TESMIN: variants seen among roughly 807,000 people sequenced by gnomAD.
TESMIN encodes the protein CXC domain containing 2.
Under a neutral mutation model 47.4 loss-of-function variants are expected in TESMIN, and 34 were observed. That is an observed-to-expected ratio of 0.72 (90% CI 0.55 to 0.96). The LOEUF is 0.96. TESMIN is among the 40% of genes least tolerant of loss of function. The probability of loss-of-function intolerance (pLI) is 0.00; values close to 1 mark genes in which losing one functional copy is unlikely to be tolerated. For missense variants in TESMIN, 610 were observed against 637.2 expected (o/e 0.96, Z 0.46); for synonymous variants, 278 against 258.9 (o/e 1.07, Z -0.71).
chr11:68,711,403 G>A (rs571573585), intron 8 of TESMIN, among the ~76,000 whole-genome samples: 1 of 149,302 alleles, frequency 6.7e-6, no homozygotes, highest in African/African-American at 2.5e-5. Context: ...GAATGTGAAT[G>A]TGTGTGTGAC....
intron 8 of TESMIN, among the ~76,000 whole-genome samples, chr11:68,711,741 C>T (rs1946075494): frequency 6.6e-6 from 1 of 152,172 alleles, no homozygotes; most frequent in African/African-American, 2.4e-5. Flanking sequence ...CGAAATCTGC[C>T]TGAGAGCAGG....
Position 68,747,309 on chromosome 11 carries a change from A to G in TESMIN, c.529T>C (p.Leu177=). 1 of 1,614,000 alleles carries G rather than the reference A, an allele frequency of 6.2e-7. No homozygotes were observed. The highest frequency in any genetic ancestry group is 8.5e-7 in the Non-Finnish European group (1 of 1,179,822). Reference sequence around the variant, plus strand: ...GATTCCTGAGCAAGAAGATTCTGCAAAGTTGCTTCTTCCGGATTATTACTT... The same window carrying G: ...GATTCCTGAGCAAGAAGATTCTGCAGAGTTGCTTCTTCCGGATTATTACTT... ...TTSNNPEEAT[L]QNLLAQESCC... is the part of the protein sequence containing the mutation. Residue 177 remains leucine, a synonymous_variant, in exon 3 of 10, where the codon TTG becomes CTG. Transcript: ENST00000255087.
chr11:68,748,527 A>G (rs1946549599), intron 2 of TESMIN, among the ~76,000 whole-genome samples: 1 of 152,250 alleles, frequency 6.6e-6, no homozygotes. Flanking sequence ...GACCTATGCA[A>G]CTAATATCTG....
At position 68,750,237 on chromosome 11, in the gene TESMIN, C is replaced by A; in HGVS notation, c.424G>T (p.Ala142Ser). 1 of 1,528,914 alleles carries A rather than the reference C, an allele frequency of 6.5e-7. No homozygotes were observed. 94.7% of individuals were successfully genotyped at this position (1,528,914 alleles called of 1,614,324 possible). A position where few individuals can be genotyped will look rare whatever the true frequency, so the allele number is the denominator to read the frequency against. Residue 142 changes from alanine to serine, a missense_variant, in exon 2 of 10, where the codon GCC becomes TCC. Transcript: ENST00000255087. ...TGGGAGGCTCCTTCCAGGACCCAGG[C>A]GCCCAGGGGCAACACCGCCGGGCTG... ...HRSPAVLPLG[A>S]WVLEGASHPG...
intron 6 of TESMIN, among the ~76,000 whole-genome samples, chr11:68,722,292 A>G (rs1028007120): frequency 2.6e-5 from 4 of 152,234 alleles, no homozygotes; most frequent in Non-Finnish European, 4.4e-5. Context: ...TTTGATGGGT[A>G]TAGAATTTCT....
intron 6 of TESMIN, among the ~76,000 whole-genome samples, chr11:68,730,979 T>C (rs910924745): frequency 5.3e-5 from 8 of 152,152 alleles, no homozygotes; most frequent in African/African-American, 1.7e-4. Context: ...GGGTACATTG[T>C]TTCAAGTTTC....
At chr11:68,720,595 C>T (rs533291038) in intron 6 of TESMIN, among the ~76,000 whole-genome samples, 8 of 152,266 alleles carry the variant, frequency 5.3e-5, no homozygotes, top group Middle Eastern at 3.4e-3. Flanking sequence ...CCTTCACCCA[C>T]GGTCTTCATC....
intron 6 of TESMIN, among the ~76,000 whole-genome samples, chr11:68,720,293 GCT>G (rs1218417255): frequency 1.3e-5 from 2 of 152,030 alleles, no homozygotes; most frequent in Non-Finnish European, 2.9e-5. Context: ...CACCAAACCT[GCT>G]CTCTCTCCCA....
intron 6 of TESMIN, chr11:68,738,283 C>T (rs981241173): frequency 3.0e-5 from 30 of 999,816 alleles, no homozygotes; most frequent in Admixed American, 2.2e-4. Context: ...AGGCAGCGGG[C>T]GGAGGCAGCT....
downstream of TESMIN, among the ~76,000 whole-genome samples, chr11:68,705,223 G>A (rs1415224485): frequency 1.3e-5 from 2 of 152,178 alleles, no homozygotes; most frequent in African/African-American, 4.8e-5. Context: ...CGTCTTCTGC[G>A]CCCCCTCCTG....
rs373516398 is a variant in TESMIN at position 68,738,806 on chromosome 11, C to T, written c.829-18G>A. ...CCCTCAAGCTGTTCAAAGTCAAAGG[C>T]AAGGATATTTTGAATTAGCAAGGAT... is the stretch of plus-strand genomic sequence containing the variant. On this transcript the variant is annotated intron_variant, in intron 5 of 9. Transcript: ENST00000255087. 1.5e-4 allele frequency: 233 copies of T among 1,595,594 alleles called. 1 individual carries two copies. The highest frequency in any genetic ancestry group is 1.9e-4 in the Non-Finnish European group (216 of 1,164,514).
intron 3 of TESMIN, 58 bp from the exon 4 acceptor site, chr11:68,745,169 A>T (rs2153993087): frequency 6.8e-6 from 10 of 1,479,838 alleles, no homozygotes; most frequent in Non-Finnish European, 9.1e-6. Flanking sequence ...AGTAATAATG[A>T]ACCTAAATAA....
At chr11:68,717,712 A>G (rs1946156408) in intron 6 of TESMIN, among the ~76,000 whole-genome samples, 1 of 152,172 alleles carries the variant, frequency 6.6e-6, no homozygotes, top group African/African-American at 2.4e-5. Flanking sequence ...GAGCAAAGCC[A>G]GGTGAGATAA....
intron 4 of TESMIN, among the ~76,000 whole-genome samples, chr11:68,743,123 C>T (rs1028355356): frequency 1.1e-4 from 17 of 152,248 alleles, no homozygotes; most frequent in Admixed American, 3.3e-4. Context: ...AGCAATCCTC[C>T]GGCCTGGCCT....
In TESMIN at chr11:68,750,556, C is replaced by G; in HGVS notation, c.105G>C (p.Leu35=). ...EGPFASENIG[L]KAPVKYEEDE... Reference sequence around the variant, plus strand: ...CCTCCTCGTACTTCACGGGGGCCTTCAGGCCGATGTTCTCCGAAGCGAACG... The same window carrying G: ...CCTCCTCGTACTTCACGGGGGCCTTGAGGCCGATGTTCTCCGAAGCGAACG... Residue 35 remains leucine, a synonymous_variant, in exon 2 of 10, where the codon CTG becomes CTC. Coordinates refer to ENST00000255087, the MANE Select transcript of TESMIN (RefSeq NM_004923.3). The G allele has an allele frequency of 6.2e-7, 1 of 1,607,674 alleles. No individual in the cohort carries two copies. The highest frequency in any genetic ancestry group is 8.5e-7 in the Non-Finnish European group (1 of 1,177,852).
At chr11:68,734,935 C>T (rs931798939) in intron 6 of TESMIN, among the ~76,000 whole-genome samples, 1 of 152,174 alleles carries the variant, frequency 6.6e-6, no homozygotes, top group Non-Finnish European at 1.5e-5. Flanking sequence ...TGGTCTTCCG[C>T]CCCTGCTCTC....
intron 6 of TESMIN, among the ~76,000 whole-genome samples, chr11:68,727,823 T>C (rs920130159): frequency 1.3e-5 from 2 of 152,368 alleles, no homozygotes; most frequent in African/African-American, 4.8e-5. Context: ...ATGTCTGTTA[T>C]AGTGATCTGC....
chr11:68,717,475 C>T (rs949519045), intron 6 of TESMIN, among the ~76,000 whole-genome samples: 2 of 152,196 alleles, frequency 1.3e-5, no homozygotes, highest in African/African-American at 4.8e-5. Flanking sequence ...AGACACATCC[C>T]CTGCAGGGAG....
At chr11:68,744,965 GTTTT>G in intron 4 of TESMIN, 22 bp downstream of exon 4, 1 of 1,500,396 alleles carries the variant, frequency 6.7e-7, no homozygotes, top group Non-Finnish European at 8.9e-7. Context: ...ATATGACATA[GTTTT>G]TTTTATTAAT....
Sources: allele counts gnomAD v4.1 joint callset (sites outside exome capture counted in the v4.1 genomes callset), GRCh38; gene constraint gnomAD v4.1.1; transcripts MANE v1.5; gene names NCBI Gene and HGNC (gene_info 2026-07-23, HGNC 2026-07-21).